NBN: variants seen among roughly 807,000 people sequenced by gnomAD.
The protein encoded by NBN is Nijmegen breakage syndrome 1 (nibrin).
A neutral mutation model predicts 90.8 loss-of-function variants in NBN; 88 were observed. That is an observed-to-expected ratio of 0.97 (90% CI 0.82 to 1.16). The LOEUF (loss-of-function observed/expected upper bound fraction) is 1.16. Ranked by LOEUF, NBN falls within the 50% of genes most tolerant of loss-of-function variation. NBN has a pLI of 0.00. For synonymous variants in NBN, 328 were observed against 295.1 expected (o/e 1.11, Z -1.14); for missense variants, 894 against 869.6 (o/e 1.03, Z -0.35).
At chr8:89,981,216 T>C (rs1812048268) in intron 3 of NBN, among the ~76,000 whole-genome samples, 159 bp downstream of exon 3, 1 of 152,178 alleles carries the variant, frequency 6.6e-6, no homozygotes, top group African/African-American at 2.4e-5. Flanking sequence ...CACCGTGATG[T>C]ACAAAATGCA....
Position 89,935,302 on chromosome 8 carries a change from T to G in NBN, c.*280A>C. The G allele has an allele frequency of 2.6e-6, 1 of 378,306 alleles. No individual in the cohort carries two copies. Among genetic ancestry groups the G allele is most frequent in the South Asian group, 3.4e-5 (1 of 29,538 alleles). The allele number at this position is 378,306 out of a possible 1,614,324, so 23.4% of individuals were successfully genotyped here. A position where few individuals can be genotyped will look rare whatever the true frequency, so the allele number is the denominator to read the frequency against. Reference sequence around the variant, plus strand: ...TGGAAGGGTGACTTTAGTCTTTACCTTACGTACATTTAGAATTTTGAACTG... The same window carrying G: ...TGGAAGGGTGACTTTAGTCTTTACCGTACGTACATTTAGAATTTTGAACTG... On this transcript the variant is annotated 3_prime_UTR_variant, in exon 16 of 16. Coordinates refer to ENST00000265433, the MANE Select transcript of NBN (RefSeq NM_002485.5).
chr8:89,951,010 G>A (rs1259449213), intron 11 of NBN, among the ~76,000 whole-genome samples: 1 of 151,872 alleles, frequency 6.6e-6, no homozygotes, highest in Non-Finnish European at 1.5e-5. Context: ...AATCTGGGAT[G>A]GAATTTAAGG....
In NBN at chr8:89,970,468, C is replaced by T; in HGVS notation, c.792G>A (p.Leu264=). The change falls in exon 7 of 16, where the codon TTG becomes TTA. Residue 264 remains leucine, a synonymous_variant. Transcript: ENST00000265433. ...TATCAACAACACACGTTCCCGGAGC[C>T]AAAAAGAAATTATGTTCTTCTTCAT... ...EENEEEHNFF[L]APGTCVVDTG... The T allele has an allele frequency of 6.2e-7, 1 of 1,613,888 alleles. No homozygotes were observed. The highest frequency in any genetic ancestry group is 1.1e-5 in the South Asian group (1 of 91,072).
intron 7 of NBN, among the ~76,000 whole-genome samples, chr8:89,969,177 T>C (rs1423969566): frequency 6.6e-6 from 1 of 152,234 alleles, no homozygotes; most frequent in Non-Finnish European, 1.5e-5. Context: ...GTCAGAAGAC[T>C]GCCAAGCCAT....
In NBN at chr8:89,970,575, C is replaced by T. The variant is rs769418; in HGVS notation, c.703-18G>A. 0.042 allele frequency: 67,948 copies of T among 1,607,802 alleles called. 2,898 individuals are homozygous for T. The highest frequency in any genetic ancestry group is 0.19 in the East Asian group (8,620 of 44,780). On this transcript the variant is annotated intron_variant, in intron 6 of 15. Transcript: ENST00000265433. The stretch of plus-strand genomic sequence containing the variant: ...TTCTTATGCTAAAAATGGAAGGAAA[C>T]ATTTTTTAAAGTAAAATGTAGTAAT...
At position 89,936,087 on chromosome 8, in the gene NBN, C is replaced by CTTTT. The variant is rs35393048; in HGVS notation, c.2235-479_2235-476dup. The stretch of plus-strand genomic sequence containing the variant: ...GAAAAACCAGTATTGTCTGTCAACA[C>CTTTT]TTTTTTTTTTTTTTTTTTTTGAGAT... On this transcript the variant is annotated intron_variant, in intron 15 of 15. Transcript: ENST00000265433. 1,059 of 280,266 alleles carry CTTTT rather than the reference C, an allele frequency of 3.8e-3. 1 individual carries two copies. Among genetic ancestry groups the CTTTT allele is most frequent in the South Asian group, 7.3e-3 (268 of 36,770 alleles). 17.4% of individuals were successfully genotyped at this position (280,266 alleles called of 1,614,324 possible). A position where few individuals can be genotyped will look rare whatever the true frequency, so the allele number is the denominator to read the frequency against.
intron 14 of NBN, among the ~76,000 whole-genome samples, chr8:89,941,593 C>A (rs947868161): frequency 6.6e-6 from 1 of 152,180 alleles, no homozygotes; most frequent in Non-Finnish European, 1.5e-5. Context: ...TTCCTCCTAT[C>A]AATGTCTCTC....
Position 89,955,433 on chromosome 8 carries a change from A to G in NBN, c.1247T>C (p.Met416Thr), listed in dbSNP as rs863224713. 3 of 1,613,768 alleles carry G rather than the reference A, an allele frequency of 1.9e-6. No individual in the cohort carries two copies. The highest frequency in any genetic ancestry group is 1.7e-5 in the Admixed American group (1 of 59,978). ...SCKTSSNNNS[M>T]VSNTLAKMRI... ...CATCTTAGCCAAAGTATTTGATACC[A>G]TACTATTATTATTAGAGCTTGTTTT... The change falls in exon 10 of 16, where the codon ATG (methionine) becomes ACG (threonine). Residue 416 changes from methionine (M) to threonine (T), a missense_variant. Transcript: ENST00000265433.
intron 9 of NBN, among the ~76,000 whole-genome samples, chr8:89,956,704 G>A (rs1586061693): frequency 1.3e-5 from 2 of 152,134 alleles, no homozygotes; most frequent in South Asian, 4.1e-4. Flanking sequence ...ACTATCCTAA[G>A]ACAGGAGTTG....
intron 11 of NBN, 113 bp downstream of exon 11, chr8:89,953,131 T>C: frequency 2.6e-6 from 2 of 781,150 alleles, no homozygotes; most frequent in East Asian, 2.5e-5. Flanking sequence ...ATTTCTATAG[T>C]ACTGAGTGTT....
intron 15 of NBN, 84 bp from the exon 16 acceptor site, chr8:89,935,696 C>A: frequency 1.3e-6 from 2 of 1,511,196 alleles, no homozygotes; most frequent in South Asian, 2.3e-5. Flanking sequence ...AAACTGTAGT[C>A]ACACTTTGGC....
intron 8 of NBN, 56 bp from the exon 9 acceptor site, chr8:89,958,910 A>T (rs1810863097): frequency 6.2e-7 from 1 of 1,601,260 alleles, no homozygotes; most frequent in Admixed American, 1.7e-5. Context: ...GAAGATGAAC[A>T]TCTGGTCACT....
intron 3 of NBN, 133 bp downstream of exon 3, chr8:89,981,240 GCA>G: frequency 1.1e-6 from 1 of 951,710 alleles, no homozygotes; most frequent in Non-Finnish European, 1.6e-6. Flanking sequence ...ACCACCCATG[GCA>G]CAGAGTCCAA....
intron 15 of NBN, 81 bp from the exon 16 acceptor site, chr8:89,935,693 A>C: frequency 1.3e-6 from 2 of 1,543,896 alleles, no homozygotes; most frequent in Non-Finnish European, 1.8e-6. Flanking sequence ...TTCAAACTGT[A>C]GTCACACTTT....
rs13312928 is a variant in NBN at position 89,954,144 on chromosome 8, A to C, written c.1398-453T>G. 7.6e-3 allele frequency among the ~76,000 whole-genome samples: 1,162 copies of C among 152,240 alleles called. 14 individuals carry two copies. Among genetic ancestry groups the C allele is most frequent in the African/African-American group, 0.027 (1,121 of 41,562 alleles). ...TGACTAAATCTACAATACGGTACTG[A>C]CTGTATACTGCAAATGCTATGTGAA... On this transcript the variant is annotated intron_variant, in intron 10 of 15. Coordinates refer to ENST00000265433, the MANE Select transcript of NBN (RefSeq NM_002485.5).
chr8:89,978,126 T>C (rs1655456277), intron 5 of NBN, 94 bp downstream of exon 5: 1 of 1,116,968 alleles, frequency 9.0e-7, no homozygotes, highest in Admixed American at 1.9e-5. Flanking sequence ...AACTATTACA[T>C]CCTGAAACAA....
At chr8:89,943,821 C>T (rs569674757) in intron 13 of NBN, among the ~76,000 whole-genome samples, 1 of 152,016 alleles carries the variant, frequency 6.6e-6, no homozygotes, top group Non-Finnish European at 1.5e-5. Context: ...TTGGGGATGC[C>T]AACAATTTAT....
At chr8:89,937,369 C>G (rs1313316163) in intron 14 of NBN, 2 of 396,752 alleles carry the variant, frequency 5.0e-6, no homozygotes, top group Non-Finnish European at 4.7e-6. Context: ...TCCAGCAAAA[C>G]CCTTTTACTA....
rs1586020967 is a variant in NBN at position 89,935,562 on chromosome 8, C to T, written c.*20G>A. The stretch of plus-strand genomic sequence containing the variant: ...TGCTTACTAGGAAGTTTTTCCATGG[C>T]TTCTTTTTAAAATCCTCAGTTATCT... On this transcript the variant is annotated 3_prime_UTR_variant, in exon 16 of 16. Transcript: ENST00000265433. The T allele has an allele frequency of 1.9e-6, 3 of 1,610,514 alleles. No homozygotes were observed. The East Asian group carries it at 6.7e-5, about 36-fold the overall frequency.
Sources: gnomAD v4.1 joint callset for allele counts (sites outside exome capture counted in the v4.1 genomes callset) on GRCh38, gnomAD v4.1.1 for gene constraint, MANE v1.5 for transcripts, NCBI Gene and HGNC (gene_info 2026-07-23, HGNC 2026-07-21) for gene names.